The following BEND5 variants were observed in gnomAD, a reference collection of about 807,000 sequenced individuals.
BEND5 encodes the protein BEN domain containing 5, also known as BEN domain-containing protein 5.
Under a neutral mutation model 43.9 loss-of-function variants are expected in BEND5, and 22 were observed. That is an observed-to-expected ratio of 0.50 (90% CI 0.36 to 0.72). The LOEUF is 0.72. Ranked by LOEUF, BEND5 falls within the 30% of genes least tolerant of loss-of-function variation. The pLI, the probability that BEND5 is intolerant of heterozygous loss-of-function variation, is 0.00. For synonymous variants in BEND5, 228 were observed against 225.9 expected (o/e 1.01, Z -0.08); for missense variants, 428 against 550.6 (o/e 0.78, Z 2.23).
At chr1:48,737,365 C>T (rs1649238614) in intron 4 of BEND5, among the ~76,000 whole-genome samples, 1 of 152,168 alleles carries the variant, frequency 6.6e-6, no homozygotes, top group African/African-American at 2.4e-5. Context: ...TTTATTTGGG[C>T]TGGGTGTGGC....
At chr1:48,756,655 A>C (rs1036579120) in intron 3 of BEND5, among the ~76,000 whole-genome samples, 10 of 152,240 alleles carry the variant, frequency 6.6e-5, no homozygotes, top group African/African-American at 2.4e-4. Flanking sequence ...CCTCCTCTTA[A>C]GGGTAGAGAT....
chr1:48,757,698 T>C (rs1277923855), intron 3 of BEND5, among the ~76,000 whole-genome samples: 1 of 152,188 alleles, frequency 6.6e-6, no homozygotes, highest in Non-Finnish European at 1.5e-5. Context: ...CACCTACAAA[T>C]ATAAGTAAAT....
chr1:48,758,258 T>G (rs1230743385), intron 3 of BEND5, among the ~76,000 whole-genome samples: 1 of 152,200 alleles, frequency 6.6e-6, no homozygotes, highest in Non-Finnish European at 1.5e-5. Flanking sequence ...CATCCCAGGC[T>G]GGTAAAGTTT....
At chr1:48,744,993 G>A (rs1042802638) in intron 3 of BEND5, among the ~76,000 whole-genome samples, 7 of 84,284 alleles carry the variant, frequency 8.3e-5, no homozygotes, top group African/African-American at 1.9e-4. Context: ...ATCACTCCCA[G>A]GTAGGGGGGG....
intron 3 of BEND5, among the ~76,000 whole-genome samples, chr1:48,755,146 G>T (rs376710833): frequency 2.6e-5 from 4 of 152,272 alleles, no homozygotes; most frequent in African/African-American, 9.6e-5. Flanking sequence ...CCCCACCCTT[G>T]GGTGTGGCTC....
intron 1 of BEND5, 99 bp from the exon 2 acceptor site, chr1:48,761,569 G>A: frequency 7.9e-7 from 1 of 1,263,720 alleles, no homozygotes; most frequent in East Asian, 2.5e-5. Context: ...AATAATTGAG[G>A]CCAGACCAGT....
intron 1 of BEND5, among the ~76,000 whole-genome samples, chr1:48,764,603 C>T (rs1644440641): frequency 6.6e-6 from 1 of 152,140 alleles, no homozygotes; most frequent in South Asian, 2.1e-4. Context: ...GCCTTGAATG[C>T]CAAGTTAAGA....
At chr1:48,750,604 G>C (rs1425152643) in intron 3 of BEND5, among the ~76,000 whole-genome samples, 1 of 152,208 alleles carries the variant, frequency 6.6e-6, no homozygotes, top group African/African-American at 2.4e-5. Context: ...AAGGTGGCAA[G>C]GGGGGCTTAA....
At chr1:48,776,410 G>A (rs1396647207) in intron 1 of BEND5, among the ~76,000 whole-genome samples, 196 bp downstream of exon 1, 2 of 152,182 alleles carry the variant, frequency 1.3e-5, no homozygotes, top group African/African-American at 4.8e-5. Context: ...AGACAAAGGG[G>A]ACCATCCGGT....
chr1:48,732,471 T>G (rs780913327), intron 5 of BEND5, among the ~76,000 whole-genome samples: 1 of 151,644 alleles, frequency 6.6e-6, no homozygotes, highest in Non-Finnish European at 1.5e-5. Flanking sequence ...GAAAGAAAAT[T>G]AACAAGTAAA....
At chr1:48,751,358 A>T in intron 3 of BEND5, among the ~76,000 whole-genome samples, 1 of 152,214 alleles carries the variant, frequency 6.6e-6, no homozygotes, top group East Asian at 1.9e-4. Context: ...ATCAGGAGGC[A>T]GGCAAAAGGG....
chr1:48,773,202 C>G (rs1644919965), intron 1 of BEND5, among the ~76,000 whole-genome samples: 1 of 152,072 alleles, frequency 6.6e-6, no homozygotes, highest in Admixed American at 6.6e-5. Context: ...GATAGAACAA[C>G]TTAAAATTTT....
intron 3 of BEND5, among the ~76,000 whole-genome samples, chr1:48,748,109 T>C (rs1651050386): frequency 1.3e-5 from 2 of 152,124 alleles, no homozygotes; most frequent in Admixed American, 6.5e-5. Context: ...AGAATAGAGA[T>C]GATTTTACTG....
chr1:48,749,989 G>A (rs1351233623), intron 3 of BEND5, among the ~76,000 whole-genome samples: 1 of 152,204 alleles, frequency 6.6e-6, no homozygotes, highest in African/African-American at 2.4e-5. Flanking sequence ...AGGGACCACT[G>A]TGGGCACAGT....
At position 48,759,013 on chromosome 1, in the gene BEND5, A is replaced by G. The variant is rs1644107539; in HGVS notation, c.632T>C (p.Leu211Pro). ...QQELERTRRQ[L>P]VQQAKKLKEY... ...CTTGAGCTTCTTGGCCTGTTGTACC[A>G]GCTGCCTCCGAGTCCGCTCCAGCTC... The change falls in exon 3 of 6, where the codon CTG (leucine) becomes CCG (proline). Residue 211 changes from leucine to proline, a missense_variant. Physicochemically the swap from Leu to Pro is moderately conservative, Grantham distance 98 (BLOSUM62 -3). Coordinates refer to ENST00000371833, the MANE Select transcript of BEND5 (RefSeq NM_024603.4). The G allele has an allele frequency of 6.2e-7, 1 of 1,613,886 alleles. No individual in the cohort carries two copies. The highest frequency in any genetic ancestry group is 8.5e-7 in the Non-Finnish European group (1 of 1,180,000).
chr1:48,755,058 TGAAA>T (rs1462920675), intron 3 of BEND5, among the ~76,000 whole-genome samples: 2 of 152,322 alleles, frequency 1.3e-5, no homozygotes, highest in African/African-American at 2.4e-5. Context: ...GTGGAATGAA[TGAAA>T]GAATGAATAA....
Position 48,727,815 on chromosome 1 carries a change from G to T in BEND5, c.*71C>A. 2 of 1,448,676 alleles carry T rather than the reference G, an allele frequency of 1.4e-6. No homozygotes were observed. The highest frequency in any genetic ancestry group is 1.9e-6 in the Non-Finnish European group (2 of 1,047,770). 89.7% of individuals were successfully genotyped at this position (1,448,676 alleles called of 1,614,324 possible). A position where few individuals can be genotyped will look rare whatever the true frequency, so the allele number is the denominator to read the frequency against. On this transcript the variant is annotated 3_prime_UTR_variant, in exon 6 of 6. Coordinates refer to ENST00000371833, the MANE Select transcript of BEND5 (RefSeq NM_024603.4). ...CACCATGCACGGTGGGGTCTGATTT[G>T]GACGGCACCATCGCTCGCAAATCAC... is the stretch of plus-strand genomic sequence containing the variant.
At chr1:48,737,066 G>A (rs1000072865) in intron 4 of BEND5, among the ~76,000 whole-genome samples, 3 of 152,084 alleles carry the variant, frequency 2.0e-5, no homozygotes, top group African/African-American at 2.4e-5. Context: ...GGCGGATCAC[G>A]AGATCAGGAG....
At chr1:48,730,151 C>T (rs373541459) in intron 5 of BEND5, among the ~76,000 whole-genome samples, 8 of 152,268 alleles carry the variant, frequency 5.3e-5, no homozygotes, top group African/African-American at 1.4e-4. Context: ...TGTCAAAGCA[C>T]GAATCACAAT....
Sources: allele counts gnomAD v4.1 joint callset (sites outside exome capture counted in the v4.1 genomes callset), GRCh38; gene constraint gnomAD v4.1.1; transcripts MANE v1.5; gene names NCBI Gene and HGNC (gene_info 2026-07-23, HGNC 2026-07-21).